Variants in SORL1 observed in about 807,000 individuals in gnomAD.
The protein encoded by SORL1 is sortilin related receptor 1, also known as sortilin-related receptor.
A neutral mutation model predicts 273.7 loss-of-function variants in SORL1; 127 were observed. That is an observed-to-expected ratio of 0.46 (90% CI 0.40 to 0.54). The LOEUF is 0.54. SORL1 is among the 20% of genes least tolerant of loss of function. The pLI is 0.00. For synonymous variants in SORL1, 1,031 were observed against 1,067.4 expected (o/e 0.97, Z 0.66); for missense variants, 2,494 against 2,846.1 (o/e 0.88, Z 2.81).
At chr11:121,625,050 C>T (rs1377712899) in intron 45 of SORL1, 35 bp from the exon 46 acceptor site, 9 of 1,496,648 alleles carry the variant, frequency 6.0e-6, no homozygotes, top group Non-Finnish European at 6.4e-6. Flanking sequence ...TTTCCATATT[C>T]GACTTCCTGA....
At chr11:121,481,387 A>G (rs1861383137) in intron 3 of SORL1, among the ~76,000 whole-genome samples, 3 of 126,770 alleles carry the variant, frequency 2.4e-5, no homozygotes, top group Non-Finnish European at 5.0e-5. Context: ...GTGCACAGAT[A>G]CCTATAGGCA....
Position 121,522,693 on chromosome 11 carries a change from C to G in SORL1, c.1512C>G (p.Ile504Met), listed in dbSNP as rs372306435. 6.2e-7 allele frequency: 1 copy of G among 1,612,264 alleles called. No individual in the cohort carries two copies. Among genetic ancestry groups the G allele is most frequent in the Non-Finnish European group, 8.5e-7 (1 of 1,178,242 alleles). Residue 504 changes from isoleucine (I) to methionine (M), a missense_variant, in exon 10 of 48, where the codon ATC becomes ATG. Ile to Met is a conservative substitution (Grantham distance 10). This residue lies in a region of SORL1 where 710 missense variants were observed against 882.5 expected (regional missense o/e 0.80). Coordinates refer to ENST00000260197, the MANE Select transcript of SORL1 (RefSeq NM_003105.6). The stretch of plus-strand genomic sequence containing the variant: ...CCAAGGAGTCGGCTCCAGGCCTCAT[C>G]ATCGCCACTGGTAAGTGTGCTTGCC... ...ILSKESAPGL[I>M]IATGSVGKNL...
intron 9 of SORL1, 54 bp from the exon 10 acceptor site, chr11:121,522,532 G>C (rs1862055121): frequency 7.5e-7 from 1 of 1,329,836 alleles, no homozygotes; most frequent in African/African-American, 1.4e-5. Context: ...GGTTTACAGG[G>C]AACGCTAGGC....
chr11:121,626,781 C>A (rs7116931), intron 46 of SORL1: 5,769 of 152,218 alleles, frequency 0.038, 360 homozygotes, highest in African/African-American at 0.13. Flanking sequence ...GGATTTTTAA[C>A]ATGAAAAGTC....
At chr11:121,458,910 C>T (rs568887145) in intron 1 of SORL1, among the ~76,000 whole-genome samples, 13 of 152,232 alleles carry the variant, frequency 8.5e-5, no homozygotes, top group African/African-American at 2.6e-4. Flanking sequence ...AATAGGACTG[C>T]GTAACGATCA....
At position 121,629,645 on chromosome 11, in the gene SORL1, C is replaced by T; in HGVS notation, c.*82C>T. 3.0e-6 allele frequency: 2 copies of T among 669,850 alleles called. No individual in the cohort carries two copies. The highest frequency in any genetic ancestry group is 2.2e-5 in the Admixed American group (1 of 44,758). The allele number at this position is 669,850 out of a possible 1,614,324, so 41.5% of individuals were successfully genotyped here. On this transcript the variant is annotated 3_prime_UTR_variant, in exon 48 of 48. Transcript: ENST00000260197. ...TTGATGGTTTATTTTAAAAGATGCACTTTGAGTTGCAATATGTTATTTTTA... is the reference window on the plus strand; with the variant it reads ...TTGATGGTTTATTTTAAAAGATGCATTTTGAGTTGCAATATGTTATTTTTA...
At chr11:121,557,051 C>T (rs1862597830) in intron 18 of SORL1, 1 of 507,862 alleles carries the variant, frequency 2.0e-6, no homozygotes, top group East Asian at 3.2e-5. Flanking sequence ...CTGCTTTGTC[C>T]AGATCATCAT....
At chr11:121,625,353 T>C (rs2134954592) in intron 46 of SORL1, 76 bp downstream of exon 46, 1 of 1,207,108 alleles carries the variant, frequency 8.3e-7, no homozygotes, top group South Asian at 1.4e-5. Flanking sequence ...TTCATGACCA[T>C]GTGTCTTTCT....
chr11:121,559,924 T>C (rs1405632480), intron 21 of SORL1, among the ~76,000 whole-genome samples: 1 of 152,162 alleles, frequency 6.6e-6, no homozygotes, highest in Non-Finnish European at 1.5e-5. Context: ...CCCTGACTGA[T>C]TGGTGGCGCG....
intron 32 of SORL1, among the ~76,000 whole-genome samples, chr11:121,598,266 T>C (rs553736224): frequency 6.6e-6 from 1 of 152,234 alleles, no homozygotes; most frequent in Admixed American, 6.5e-5. Context: ...ACTGTGAAGA[T>C]GAAAAAGGAA....
chr11:121,502,473 T>C (rs919060838), intron 6 of SORL1, among the ~76,000 whole-genome samples: 1 of 152,152 alleles, frequency 6.6e-6, no homozygotes, highest in Admixed American at 6.5e-5. Flanking sequence ...ATCGGTCAAG[T>C]GGTTTTCCAA....
chr11:121,572,849 C>T (rs1255653512), intron 23 of SORL1, among the ~76,000 whole-genome samples: 2 of 152,146 alleles, frequency 1.3e-5, no homozygotes, highest in African/African-American at 4.8e-5. Flanking sequence ...CATCCCCTGC[C>T]TCCCACCACG....
At chr11:121,453,986 C>G (rs1366205515) in intron 1 of SORL1, among the ~76,000 whole-genome samples, 1 of 152,234 alleles carries the variant, frequency 6.6e-6, no homozygotes, top group Non-Finnish European at 1.5e-5. Context: ...CACTATTGGT[C>G]CCTGGGCAAG....
At position 121,550,626 on chromosome 11, in the gene SORL1, T is replaced by C; in HGVS notation, c.2222T>C (p.Val741Ala). Residue 741 changes from valine (V) to alanine (A), a missense_variant, in exon 16 of 48, where the codon GTT becomes GCT. By Grantham distance (64) the Val-to-Ala change is moderately conservative. Around this residue, in one of 3 missense-constraint regions of SORL1, gnomAD observed 710 missense variants for 882.5 expected, o/e 0.80. Transcript: ENST00000260197. The surrounding 1 kb of genome is among the most constrained non-coding windows in gnomAD (Gnocchi z 5.3). ...GGGGACACTTGTAGCGGAGGAGATG[T>C]TGAAGCGCGACTGGAAGGAGAGCTG... is the stretch of plus-strand genomic sequence containing the variant. ...ISGDTCSGGD[V>A]EARLEGELVP... 6.2e-7 allele frequency: 1 copy of C among 1,614,156 alleles called. No individual in the cohort carries two copies. The highest frequency in any genetic ancestry group is 1.1e-5 in the South Asian group (1 of 91,078).
chr11:121,582,752 C>T (rs1863031143), intron 25 of SORL1, among the ~76,000 whole-genome samples: 1 of 152,194 alleles, frequency 6.6e-6, no homozygotes, highest in African/African-American at 2.4e-5. Flanking sequence ...CCTCTCAACT[C>T]TACAGAAAGA....
rs774053907 is a variant in SORL1 at position 121,520,757 on chromosome 11, A to G, written c.1312A>G (p.Met438Val). 6.2e-7 allele frequency: 1 copy of G among 1,613,296 alleles called. No individual in the cohort carries two copies. Among genetic ancestry groups the G allele is most frequent in the Non-Finnish European group, 8.5e-7 (1 of 1,179,570 alleles). Residue 438 changes from methionine to valine, a missense_variant, in exon 9 of 48, where the codon ATG becomes GTG. Transcript: ENST00000260197. Reference sequence around the variant, plus strand: ...TAATGGTTCTATGAATGAGGAGAACATGAGATCGGTCATCACCTTTGACAA... The same window carrying G: ...TAATGGTTCTATGAATGAGGAGAACGTGAGATCGGTCATCACCTTTGACAA... Reference protein sequence around the residue: ...LINGSMNEENMRSVITFDKGG... With the variant: ...LINGSMNEENVRSVITFDKGG...
Position 121,558,735 on chromosome 11 carries a change from G to C in SORL1, c.2808G>C (p.Thr936=). The part of the protein sequence containing the change: ...ISVDDQWIYW[T]DAYLECIERI... ...TGGACGACCAGTGGATTTACTGGAC[G>C]GATGCCTACCTGGAGTGCATAGAGC... is the stretch of plus-strand genomic sequence containing the variant. The change falls in exon 20 of 48, where the codon ACG becomes ACC. Residue 936 remains threonine, a synonymous_variant. Coordinates refer to ENST00000260197, the MANE Select transcript of SORL1 (RefSeq NM_003105.6). The C allele has an allele frequency of 6.2e-7, 1 of 1,614,146 alleles. No homozygotes were observed. Among genetic ancestry groups the C allele is most frequent in the Non-Finnish European group, 8.5e-7 (1 of 1,180,014 alleles).
chr11:121,553,919 G>A lies in SORL1; in HGVS notation c.2267-18G>A. ...ATCCCCTGGGTCCAACCTCCCACGTGTCTTGTGTGTCTGGCAGAAGAGAAC... is the reference window on the plus strand; with the variant it reads ...ATCCCCTGGGTCCAACCTCCCACGTATCTTGTGTGTCTGGCAGAAGAGAAC... On this transcript the variant is annotated intron_variant, in intron 16 of 47. Transcript: ENST00000260197. The A allele has an allele frequency of 6.2e-7, 1 of 1,607,882 alleles. No homozygotes were observed. The highest frequency in any genetic ancestry group is 8.5e-7 in the Non-Finnish European group (1 of 1,175,934).
chr11:121,570,163 C>A lies in SORL1; in HGVS notation c.3230C>A (p.Thr1077Asn), dbSNP rs747216086. 34 of 1,612,828 alleles carry A rather than the reference C, an allele frequency of 2.1e-5. No individual in the cohort carries two copies. Among genetic ancestry groups the A allele is most frequent in the Non-Finnish European group, 2.7e-5 (32 of 1,178,950 alleles). Residue 1077 changes from threonine (T) to asparagine (N), a missense_variant, in exon 23 of 48, where the codon ACC (threonine) becomes AAC (asparagine). Physicochemically the swap from Thr to Asn is moderately conservative, Grantham distance 65. Coordinates refer to ENST00000260197, the MANE Select transcript of SORL1 (RefSeq NM_003105.6). ...KNNTCVKQEN[T>N]CLRNQYRCSN... The stretch of plus-strand genomic sequence containing the variant: ...GCCGCACTCTGATGGGTAGAGAACA[C>A]CTGTCTTCGCAACCAGTATCGCTGC...
Sources: gnomAD v4.1 joint callset for allele counts (sites outside exome capture counted in the v4.1 genomes callset) on GRCh38, gnomAD v4.1.1 for gene constraint, gnomAD v4.1.1 regional missense constraint, Gnocchi (gnomAD v3.1) non-coding constraint, MANE v1.5 for transcripts, NCBI Gene and HGNC (gene_info 2026-07-23, HGNC 2026-07-21) for gene names.